Variants in CPAMD8 observed in about 807,000 individuals in gnomAD.
CPAMD8 encodes C3 and PZP like alpha-2-macroglobulin domain containing 8.
In CPAMD8, 146 loss-of-function variants were observed where a neutral mutation model predicts 224.7. That is an observed-to-expected ratio of 0.65 (90% CI 0.57 to 0.75). The LOEUF (loss-of-function observed/expected upper bound fraction) is 0.75. Ranked by LOEUF, CPAMD8 falls within the 30% of genes least tolerant of loss-of-function variation. The pLI, the probability that CPAMD8 is intolerant of heterozygous loss-of-function variation, is 0.00. For synonymous variants in CPAMD8, 966 were observed against 1,044.6 expected, an observed-to-expected ratio of 0.92 and a Z score of 1.45; for missense variants, 2,301 against 2,537.5, an observed-to-expected ratio of 0.91 and a Z score of 2.00.
intron 20 of CPAMD8, among the ~76,000 whole-genome samples, chr19:16,949,137 G>C (rs2054220443): frequency 6.6e-6 from 1 of 152,142 alleles, no homozygotes; most frequent in Non-Finnish European, 1.5e-5. Flanking sequence ...TCCAGGTCCT[G>C]AGTGAAATGA....
chr19:16,982,520 T>C (rs944484011), intron 13 of CPAMD8, among the ~76,000 whole-genome samples: 13 of 151,906 alleles, frequency 8.6e-5, no homozygotes, highest in African/African-American at 1.2e-4. Context: ...ACAGCCAAAT[T>C]TGGAAAATTT....
rs545086362 is a variant in CPAMD8 at position 16,997,289 on chromosome 19, G to A, written c.917C>T (p.Ala306Val). The A allele has an allele frequency of 8.2e-5, 130 of 1,583,456 alleles. No homozygotes were observed. The highest frequency in any genetic ancestry group is 7.9e-4 in the South Asian group (70 of 88,924). Reference protein sequence around the residue: ...FDICVRDMIPADVPEHFRGRV... With the variant: ...FDICVRDMIPVDVPEHFRGRV... ...GCCCCGGAAGTGCTCAGGGACGTCC[G>A]CTGGGATCATGTCCCTCACGCAGAT... Residue 306 changes from alanine to valine, a missense_variant, in exon 11 of 42, where the codon GCG becomes GTG. By Grantham distance (64) the Ala-to-Val change is moderately conservative (BLOSUM62 0). Coordinates refer to ENST00000443236, the MANE Select transcript of CPAMD8 (RefSeq NM_015692.5).
chr19:16,921,653 C>T (rs2053178506), intron 27 of CPAMD8, among the ~76,000 whole-genome samples: 1 of 150,952 alleles, frequency 6.6e-6, no homozygotes, highest in South Asian at 2.1e-4. Flanking sequence ...GGCCAGAGAG[C>T]AGGGCATGGA....
At chr19:16,933,312 A>G (rs948165702) in intron 23 of CPAMD8, among the ~76,000 whole-genome samples, 4 of 152,198 alleles carry the variant, frequency 2.6e-5, no homozygotes, top group African/African-American at 4.8e-5. Flanking sequence ...AATGAATAAA[A>G]AGAAAAAATA....
intron 29 of CPAMD8, among the ~76,000 whole-genome samples, chr19:16,908,535 T>C (rs1188354575): frequency 2.0e-5 from 3 of 152,118 alleles, no homozygotes; most frequent in African/African-American, 7.2e-5. Context: ...AATCTACTGA[T>C]GGTTTTGGTT....
chr19:16,971,063 G>A, intron 17 of CPAMD8, 30 bp from the exon 18 acceptor site: 1 of 1,563,548 alleles, frequency 6.4e-7, no homozygotes, highest in Non-Finnish European at 8.7e-7. Context: ...CAAACCATTG[G>A]TGGGGAAGTG....
At chr19:16,991,403 G>A (rs1334262388) in intron 12 of CPAMD8, among the ~76,000 whole-genome samples, 2 of 152,116 alleles carry the variant, frequency 1.3e-5, no homozygotes, top group African/African-American at 4.8e-5. Context: ...GGGTAGTCTT[G>A]TGGAGAGGGC....
chr19:17,024,879 C>T (rs1237544429), intron 1 of CPAMD8, among the ~76,000 whole-genome samples: 1 of 152,222 alleles, frequency 6.6e-6, no homozygotes, highest in Non-Finnish European at 1.5e-5. Context: ...ATTCCTCACA[C>T]AAAAATCTCT....
chr19:16,971,253 T>C, intron 17 of CPAMD8: 1 of 442,046 alleles, frequency 2.3e-6, no homozygotes, highest in Non-Finnish European at 4.0e-6. Flanking sequence ...CAGGCTGGAG[T>C]GCAGTGGCGC....
chr19:17,002,853 G>T (rs1021059622), intron 8 of CPAMD8, among the ~76,000 whole-genome samples: 3 of 151,996 alleles, frequency 2.0e-5, no homozygotes, highest in African/African-American at 7.2e-5. Context: ...GGTCCTGAGA[G>T]AACTCTTGTA....
At chr19:16,927,687 G>A (rs1205022246) in intron 25 of CPAMD8, among the ~76,000 whole-genome samples, 2 of 152,172 alleles carry the variant, frequency 1.3e-5, no homozygotes, top group Non-Finnish European at 2.9e-5. Context: ...TGCCCTCACA[G>A]GGTTCACTGC....
chr19:16,944,717 C>T lies in CPAMD8; in HGVS notation c.2793+832G>A, dbSNP rs546681603. On this transcript the variant is annotated intron_variant, in intron 22 of 41. Transcript: ENST00000443236. ...TCACATCACATCAACGACACTACAG[C>T]GGTGACCTGTCCACTGTCACCGCTC... Among the ~76,000 whole-genome samples, 7 of 134,216 alleles carry T rather than the reference C, an allele frequency of 5.2e-5. No individual in the cohort carries two copies. The South Asian group carries it at 8.7e-4, about 17-fold the overall frequency. The allele number at this position is 134,216 out of a possible 152,430, so 88.1% of individuals were successfully genotyped here. A position where few individuals can be genotyped will look rare whatever the true frequency, so the allele number is the denominator to read the frequency against.
chr19:16,987,072 G>T (rs11881381), intron 13 of CPAMD8, among the ~76,000 whole-genome samples: 4,501 of 142,664 alleles, frequency 0.032, 117 homozygotes, highest in Middle Eastern at 0.071. Flanking sequence ...GGCAGGAGAA[G>T]TGCTTGAACC....
chr19:16,898,135 T>G lies in CPAMD8; in HGVS notation c.4849-141A>C. 3.3e-6 allele frequency: 2 copies of G among 609,380 alleles called. No homozygotes were observed. Among genetic ancestry groups the G allele is most frequent in the South Asian group, 4.2e-5 (2 of 48,098 alleles). 37.7% of individuals were successfully genotyped at this position (609,380 alleles called of 1,614,324 possible). ...ACGTGATCCCATTTTCTTTTTTTCT[T>G]TTACTTTTCTTTTTTTTTTTTTTTC... is the stretch of plus-strand genomic sequence containing the variant. On this transcript the variant is annotated intron_variant, in intron 37 of 41. Transcript: ENST00000443236. The surrounding 1 kb of genome is among the most constrained non-coding windows in gnomAD (Gnocchi z 4.2).
intron 14 of CPAMD8, among the ~76,000 whole-genome samples, chr19:16,978,068 C>T (rs2055345686): frequency 6.6e-6 from 1 of 152,164 alleles, no homozygotes; most frequent in Non-Finnish European, 1.5e-5. Flanking sequence ...CAGGCACTCC[C>T]AAATACTCTA....
At chr19:16,966,465 T>C (rs1261824394) in intron 18 of CPAMD8, among the ~76,000 whole-genome samples, 2 of 152,096 alleles carry the variant, frequency 1.3e-5, no homozygotes, top group African/African-American at 4.8e-5. Context: ...CCAAAAGCAA[T>C]GGCAACAAAA....
chr19:16,928,962 A>G lies in CPAMD8; in HGVS notation c.3124T>C (p.Trp1042Arg). 1 of 1,609,810 alleles carries G rather than the reference A, an allele frequency of 6.2e-7. No individual in the cohort carries two copies. Among genetic ancestry groups the G allele is most frequent in the South Asian group, 1.1e-5 (1 of 90,576 alleles). ...TATACCTGGATAAGGCCACCACGCC[A>G]GCTGATCCAGAATGTTCTGAATTCA... ...WDEFRTFWIS[W>R]RGGLIQVGHG... is the part of the protein sequence containing the mutation. Residue 1042 changes from tryptophan to arginine, a missense_variant, in exon 24 of 42, where the codon TGG becomes CGG. Physicochemically the swap from Trp to Arg is moderately radical, Grantham distance 101 (BLOSUM62 -3). Transcript: ENST00000443236.
rs1238863965 is a variant in CPAMD8, at chr19:16,964,228, C to CA, written c.2214-6314dup. ...AAGAGACAGAGACACAAAAACCCTT[C>CA]AAAAAAATCAATGAATCCAGGAGCT... On this transcript the variant is annotated intron_variant, in intron 18 of 41. Coordinates refer to ENST00000443236, the MANE Select transcript of CPAMD8 (RefSeq NM_015692.5). 4.6e-5 allele frequency among the ~76,000 whole-genome samples: 7 copies of CA among 152,048 alleles called. No individual in the cohort carries two copies. The South Asian group carries it at 6.2e-4, about 14-fold the overall frequency.
At chr19:16,988,082 A>T (rs1019882371) in intron 13 of CPAMD8, among the ~76,000 whole-genome samples, 1 of 152,206 alleles carries the variant, frequency 6.6e-6, no homozygotes, top group African/African-American at 2.4e-5. Flanking sequence ...TTGCAAAATA[A>T]TAGACCCAGG....
Sources: allele counts gnomAD v4.1 joint callset (sites outside exome capture counted in the v4.1 genomes callset), GRCh38; gene constraint gnomAD v4.1.1; non-coding constraint Gnocchi (gnomAD v3.1); transcripts MANE v1.5; gene names NCBI Gene and HGNC (gene_info 2026-07-23, HGNC 2026-07-21).